SEC22C: variants seen among roughly 807,000 people sequenced by gnomAD.
SEC22C encodes the protein SEC22 homolog C, vesicle trafficking protein.
SEC22C carries 29 observed loss-of-function variants against 34.7 expected under a neutral mutation model. The ratio of observed to expected loss-of-function variants is 0.84; its 90% confidence interval spans 0.62 to 1.14. The LOEUF (loss-of-function observed/expected upper bound fraction) is 1.14, where lower values mean the gene tolerates loss of function less well. Ranked by LOEUF, SEC22C falls within the 50% of genes most tolerant of loss-of-function variation. The pLI is 0.00. For synonymous variants in SEC22C, 117 were observed against 132.8 expected (o/e 0.88, Z 0.82); for missense variants, 337 against 369.0 (o/e 0.91, Z 0.71).
At chr3:42,583,626 T>C (rs1704508099), upstream of SEC22C, among the ~76,000 whole-genome samples, 1 of 152,200 alleles carries the variant, frequency 6.6e-6, no homozygotes, top group Admixed American at 6.5e-5. Context: ...ACATTACTTC[T>C]GGGTATGTCT....
Position 42,548,696 on chromosome 3 carries a change from T to A in SEC22C, c.*4552A>T. 6.2e-7 allele frequency: 1 copy of A among 1,613,706 alleles called. No homozygotes were observed. Among genetic ancestry groups the A allele is most frequent in the Non-Finnish European group, 8.5e-7 (1 of 1,179,766 alleles). ...AACATCAATGGTACCATGCGCTCTG[T>A]GCCCAGGGAGTGAAAGGCAGGTCCA... On this transcript the variant is annotated 3_prime_UTR_variant, in exon 7 of 7. Transcript: ENST00000264454.
intron 2 of SEC22C, chr3:42,564,044 T>C (rs1703088783): frequency 3.5e-6 from 3 of 863,492 alleles, no homozygotes; most frequent in African/African-American, 1.8e-5. Flanking sequence ...TAAATGATCC[T>C]GGCATCCTAA....
intron 2 of SEC22C, among the ~76,000 whole-genome samples, chr3:42,566,518 T>C (rs1703252481): frequency 6.9e-6 from 1 of 145,626 alleles, no homozygotes. Context: ...CTACTAAAAA[T>C]ACAAAAAAAA....
At chr3:42,577,165 C>T (rs79852286) in intron 1 of SEC22C, among the ~76,000 whole-genome samples, 3 of 151,864 alleles carry the variant, frequency 2.0e-5, no homozygotes, top group African/African-American at 7.3e-5. Flanking sequence ...TGGAAGAAAA[C>T]ATAGGAGGAA....
chr3:42,564,573 C>T (rs1414625963), intron 2 of SEC22C, among the ~76,000 whole-genome samples: 1 of 152,160 alleles, frequency 6.6e-6, no homozygotes, highest in Non-Finnish European at 1.5e-5. Flanking sequence ...GTATACACTC[C>T]AACTTCAACC....
intron 2 of SEC22C, among the ~76,000 whole-genome samples, chr3:42,565,326 G>GT (rs1409607376): frequency 6.6e-6 from 1 of 152,082 alleles, no homozygotes; most frequent in Non-Finnish European, 1.5e-5. Flanking sequence ...TTTTGAAACT[G>GT]TAACTCCCTA....
chr3:42,579,833 C>T (rs551808247), intron 1 of SEC22C, among the ~76,000 whole-genome samples: 1 of 152,200 alleles, frequency 6.6e-6, no homozygotes, highest in Admixed American at 6.5e-5. Context: ...TAAGGGCTGC[C>T]TTATTTTTGC....
Position 42,548,459 on chromosome 3 carries a change from G to C in SEC22C, c.*4789C>G, listed in dbSNP as rs1702091437. On this transcript the variant is annotated 3_prime_UTR_variant, in exon 7 of 7. Coordinates refer to ENST00000264454, the MANE Select transcript of SEC22C (RefSeq NM_032970.4). The stretch of plus-strand genomic sequence containing the variant: ...ACAGCTCTGCCATCAATACACATGG[G>C]CAGATGTTTCCGAATCCAGCCATTC... 3.8e-6 allele frequency: 3 copies of C among 784,224 alleles called. No individual in the cohort carries two copies. Among genetic ancestry groups the C allele is most frequent in the Non-Finnish European group, 6.3e-6 (3 of 472,760 alleles). 48.6% of individuals were successfully genotyped at this position (784,224 alleles called of 1,614,324 possible).
intron 1 of SEC22C, among the ~76,000 whole-genome samples, chr3:42,599,287 T>A (rs1410689586): frequency 5.4e-5 from 8 of 147,606 alleles, no homozygotes; most frequent in East Asian, 2.0e-4. Flanking sequence ...TTTTATAGTT[T>A]AAAAAAAAAA....
intron 1 of SEC22C, among the ~76,000 whole-genome samples, chr3:42,571,556 C>G (rs1488944893): frequency 1.3e-5 from 2 of 152,120 alleles, no homozygotes; most frequent in Non-Finnish European, 2.9e-5. Context: ...AGACAACATC[C>G]TTGACATTAT....
chr3:42,566,819 C>T lies in SEC22C; in HGVS notation c.182+2046G>A, dbSNP rs765031317. The T allele has an allele frequency of 1.2e-5, 5 of 424,316 alleles. No individual in the cohort carries two copies. The Admixed American group carries it at 1.2e-4, about 10-fold the overall frequency. 26.3% of individuals were successfully genotyped at this position (424,316 alleles called of 1,614,324 possible). On this transcript the variant is annotated intron_variant, in intron 2 of 6. Coordinates refer to ENST00000264454, the MANE Select transcript of SEC22C (RefSeq NM_032970.4). ...AGGAGTTTAAGACCAGCCTGGGCAACATGGCAAGACCTTGTCTCTAAAAAA... is the reference window on the plus strand; with the variant it reads ...AGGAGTTTAAGACCAGCCTGGGCAATATGGCAAGACCTTGTCTCTAAAAAA...
rs760894151 is a variant in SEC22C, at chr3:42,550,738, C to T, written c.*2510G>A. The T allele has an allele frequency of 6.1e-6, 6 of 985,106 alleles. No individual in the cohort carries two copies. Among genetic ancestry groups the T allele is most frequent in the African/African-American group, 3.5e-5 (2 of 57,148 alleles). The allele number at this position is 985,106 out of a possible 1,614,324, so 61.0% of individuals were successfully genotyped here. On this transcript the variant is annotated 3_prime_UTR_variant, in exon 7 of 7. Coordinates refer to ENST00000264454, the MANE Select transcript of SEC22C (RefSeq NM_032970.4). ...CCAGGAAGGACTCATCTTCAAGGAC[C>T]GTTTCTTTACTGCCTGCTGAATATG...
chr3:42,555,440 T>A (rs1362205576), intron 6 of SEC22C, among the ~76,000 whole-genome samples: 1 of 152,222 alleles, frequency 6.6e-6, no homozygotes, highest in Non-Finnish European at 1.5e-5. Context: ...TCCTCCCACC[T>A]TGGCCTTGAA....
chr3:42,589,224 ACACCACTG>A (rs1183604216), intron 1 of SEC22C, among the ~76,000 whole-genome samples: 2 of 151,500 alleles, frequency 1.3e-5, no homozygotes, highest in Non-Finnish European at 2.9e-5. Flanking sequence ...AGCCGAGATC[ACACCACTG>A]CACTCCAGCC....
intron 1 of SEC22C, among the ~76,000 whole-genome samples, chr3:42,593,636 A>G (rs1426702844): frequency 1.3e-5 from 2 of 152,140 alleles, no homozygotes; most frequent in Admixed American, 1.3e-4. Flanking sequence ...ATCCATAGTA[A>G]AACAGATACC....
chr3:42,569,129 C>A, intron 1 of SEC22C, 56 bp from the exon 2 acceptor site: 1 of 1,154,904 alleles, frequency 8.7e-7, no homozygotes, highest in South Asian at 1.4e-5. Flanking sequence ...GCCAGAAATA[C>A]CCCCACCTGT....
chr3:42,551,835 A>G lies in SEC22C; in HGVS notation c.*1413T>C. ...AATTTTTCTAAAACTACATTCTTAC[A>G]TTCCCTATCCACTCAACTCTTGTAA... On this transcript the variant is annotated 3_prime_UTR_variant, in exon 7 of 7. Coordinates refer to ENST00000264454, the MANE Select transcript of SEC22C (RefSeq NM_032970.4). The G allele has an allele frequency of 3.1e-6, 3 of 980,652 alleles. No individual in the cohort carries two copies. Among genetic ancestry groups the G allele is most frequent in the Non-Finnish European group, 3.6e-6 (3 of 825,596 alleles). 60.7% of individuals were successfully genotyped at this position (980,652 alleles called of 1,614,324 possible).
chr3:42,596,045 T>G (rs942555989), intron 1 of SEC22C, among the ~76,000 whole-genome samples: 8 of 152,110 alleles, frequency 5.3e-5, no homozygotes, highest in African/African-American at 1.7e-4. Context: ...TTTTGTTTTT[T>G]TTTGAGACGG....
intron 1 of SEC22C, among the ~76,000 whole-genome samples, chr3:42,598,359 G>A (rs1019078751): frequency 1.5e-4 from 22 of 146,392 alleles, no homozygotes; most frequent in Admixed American, 1.3e-3. Flanking sequence ...ACAGAGTCTC[G>A]CACTGTCACC....
Sources: allele counts gnomAD v4.1 joint callset (sites outside exome capture counted in the v4.1 genomes callset), GRCh38; gene constraint gnomAD v4.1.1; transcripts MANE v1.5; gene names NCBI Gene and HGNC (gene_info 2026-07-23, HGNC 2026-07-21).